METTL3: variants seen among roughly 807,000 people sequenced by gnomAD.
METTL3 encodes N(6)-adenosine-methyltransferase catalytic subunit METTL3.
In METTL3, 42 loss-of-function variants were observed where a neutral mutation model predicts 64.3. That is an observed-to-expected ratio of 0.65 (90% CI 0.51 to 0.84). The LOEUF is 0.84. Among genes scored for constraint, METTL3 ranks in the 40% least tolerant of loss-of-function variants. The pLI, the probability that METTL3 is intolerant of heterozygous loss-of-function variation, is 0.00. For synonymous variants in METTL3, 256 were observed against 263.6 expected, an observed-to-expected ratio of 0.97 and a Z score of 0.28; for missense variants, 435 against 722.3, an observed-to-expected ratio of 0.60 and a Z score of 4.56.
At chr14:21,505,840 T>G (rs1891683981) in intron 1 of METTL3, among the ~76,000 whole-genome samples, 1 of 152,176 alleles carries the variant, frequency 6.6e-6, no homozygotes, top group Non-Finnish European at 1.5e-5. Context: ...ACGAAAATAA[T>G]GTGTTCGGTT....
At chr14:21,503,617 C>G in intron 2 of METTL3, 40 bp from the exon 3 acceptor site, 2 of 1,613,444 alleles carry the variant, frequency 1.2e-6, no homozygotes, top group Non-Finnish European at 1.7e-6. Context: ...AGACACTGAC[C>G]GTGAACTGAA....
Position 21,503,362 on chromosome 14 carries a change from C to T in METTL3, c.534G>A (p.Arg178=), listed in dbSNP as rs770142065. 58 of 1,614,184 alleles carry T rather than the reference C, an allele frequency of 3.6e-5. No individual in the cohort carries two copies. The South Asian group carries it at 5.2e-4, about 14-fold the overall frequency. The change falls in exon 3 of 11, where the codon CGG becomes CGA. Residue 178 remains arginine, a synonymous_variant. Transcript: ENST00000298717. The part of the protein sequence containing the change: ...EVAGTVTGQK[R]RAEQDSTTVA... ...CTGTAGTCGAGTCCTGTTCTGCACG[C>T]CGCTTCTGCCCTGTGACAGTCCCTG...
chr14:21,499,843 T>C (rs755608120), intron 6 of METTL3, 41 bp from the exon 7 acceptor site: 35 of 1,569,402 alleles, frequency 2.2e-5, no homozygotes, highest in Non-Finnish European at 3.1e-5. Flanking sequence ...TATGCCCATA[T>C]TTTTTTTCCC....
intron 4 of METTL3, 139 bp from the exon 5 acceptor site, chr14:21,501,268 G>T: frequency 1.5e-6 from 1 of 655,020 alleles, no homozygotes. Flanking sequence ...AGTTTTAAGG[G>T]AGGCAGGTAG....
In METTL3 at chr14:21,498,249, G is replaced by C. The variant is rs1325476137; in HGVS notation, c.*9C>G. 1.4e-6 allele frequency: 2 copies of C among 1,479,828 alleles called. No homozygotes were observed. Among genetic ancestry groups the C allele is most frequent in the Non-Finnish European group, 1.9e-6 (2 of 1,057,658 alleles). The allele number at this position is 1,479,828 out of a possible 1,614,324, so 91.7% of individuals were successfully genotyped here. ...GGCTATGGATTCTTAGCTCTGTAAGGAAGTGCTTCTATAAATTCTTAGGTT... is the reference window on the plus strand; with the variant it reads ...GGCTATGGATTCTTAGCTCTGTAAGCAAGTGCTTCTATAAATTCTTAGGTT... On this transcript the variant is annotated 3_prime_UTR_variant, in exon 11 of 11. Transcript: ENST00000298717.
At chr14:21,507,918 C>T (rs1415081315) in intron 1 of METTL3, 2 of 152,092 alleles carry the variant, frequency 1.3e-5, no homozygotes, top group Non-Finnish European at 1.5e-5. Flanking sequence ...ATCAAGCTCT[C>T]GGTCAGAAGA....
intron 1 of METTL3, among the ~76,000 whole-genome samples, chr14:21,509,017 T>C (rs1186766254): frequency 1.3e-5 from 2 of 151,984 alleles, no homozygotes; most frequent in Non-Finnish European, 2.9e-5. Context: ...GTCAATGATG[T>C]AGTACACCAA....
chr14:21,502,897 A>G, intron 3 of METTL3: 1 of 357,622 alleles, frequency 2.8e-6, no homozygotes. Context: ...TTTGGGACAG[A>G]CAACTGTTTG....
At chr14:21,506,765 TA>T (rs1891707461) in intron 1 of METTL3, among the ~76,000 whole-genome samples, 1 of 152,184 alleles carries the variant, frequency 6.6e-6, no homozygotes, top group African/African-American at 2.4e-5. Context: ...CTTATGCCTG[TA>T]ATCCCAGCAC....
Position 21,499,326 on chromosome 14 carries a change from A to T in METTL3, c.1498T>A (p.Cys500Ser), listed in dbSNP as rs1331923762. Residue 500 changes from cysteine (C) to serine (S), a missense_variant, in exon 9 of 11, where the codon TGT becomes AGT. By Grantham distance (112) the Cys-to-Ser change is moderately radical. This residue lies in a region of METTL3 where 38 missense variants were observed against 102.3 expected (regional missense o/e 0.37). Transcript: ENST00000298717. The part of the protein sequence containing the change: ...NPQGFNQGLD[C>S]DVIVAEVRST... ...CATACCTCAGCTACGATCACATCAC[A>T]ATCCAGACCCTGGTTGAAGCCTTGG... 3.1e-6 allele frequency: 5 copies of T among 1,614,112 alleles called. No individual in the cohort carries two copies. The African/African-American group carries it at 6.7e-5, about 22-fold the overall frequency.
intron 1 of METTL3, 126 bp downstream of exon 1, chr14:21,510,998 G>A (rs1872210093): frequency 9.3e-6 from 10 of 1,071,178 alleles, no homozygotes; most frequent in Non-Finnish European, 1.3e-5. Flanking sequence ...TGGAGAGGGA[G>A]TACCAATGTA....
chr14:21,506,423 A>G (rs1049669198), intron 1 of METTL3, among the ~76,000 whole-genome samples: 1 of 152,118 alleles, frequency 6.6e-6, no homozygotes, highest in Admixed American at 6.6e-5. Flanking sequence ...ACGTGGTGGC[A>G]GGCACCTGTA....
intron 1 of METTL3, chr14:21,508,195 C>G (rs993634762): frequency 6.6e-6 from 1 of 151,974 alleles, no homozygotes; most frequent in East Asian, 1.9e-4. Flanking sequence ...GCCCTGAGGT[C>G]GAGACTGCAG....
chr14:21,509,456 T>C (rs1385146343), intron 1 of METTL3: 2 of 152,146 alleles, frequency 1.3e-5, no homozygotes, highest in Admixed American at 1.3e-4. Context: ...ACAGGAAAAT[T>C]AAATAGGCTG....
chr14:21,502,662 C>T (rs1395917597), intron 3 of METTL3: 1 of 155,748 alleles, frequency 6.4e-6, no homozygotes, highest in African/African-American at 2.4e-5. Flanking sequence ...TGTTCAAACT[C>T]ACGCACTAGA....
Position 21,499,150 on chromosome 14 carries a change from A to G in METTL3, c.1519-13T>C. 6.2e-7 allele frequency: 1 copy of G among 1,606,500 alleles called. No individual in the cohort carries two copies. Among genetic ancestry groups the G allele is most frequent in the Non-Finnish European group, 8.5e-7 (1 of 1,173,064 alleles). On this transcript the variant is annotated splice_polypyrimidine_tract_variant and intron_variant, in intron 9 of 10. Coordinates refer to ENST00000298717, the MANE Select transcript of METTL3 (RefSeq NM_019852.5). Reference sequence around the variant, plus strand: ...TGGTGGAACGAACCTAGGAAATAAAAACTAGCTGCTTTTTAAGTTACACAA... The same window carrying G: ...TGGTGGAACGAACCTAGGAAATAAAGACTAGCTGCTTTTTAAGTTACACAA...
At chr14:21,502,225 T>C (rs35463722) in intron 3 of METTL3, among the ~76,000 whole-genome samples, 22,368 of 152,104 alleles carry the variant, frequency 0.15, 1,672 homozygotes, top group Admixed American at 0.23. Flanking sequence ...ATAGGGTCTA[T>C]GTTGCCCAGG....
Position 21,503,337 on chromosome 14 carries a change from C to G in METTL3, c.559G>C (p.Val187Leu), listed in dbSNP as rs1169755185. Reference protein sequence around the residue: ...KRRAEQDSTTVAAFASSLVSG... With the variant: ...KRRAEQDSTTLAAFASSLVSG... ...ACTAACGAACTGGCAAAGGCAGCTACTGTAGTCGAGTCCTGTTCTGCACGC... is the reference window on the plus strand; with the variant it reads ...ACTAACGAACTGGCAAAGGCAGCTAGTGTAGTCGAGTCCTGTTCTGCACGC... The change falls in exon 3 of 11, where the codon GTA becomes CTA. Residue 187 changes from valine to leucine, a missense_variant. This residue lies in a region of METTL3 where 228 missense variants were observed against 279.6 expected (regional missense o/e 0.82). Transcript: ENST00000298717. 2 of 1,614,184 alleles carry G rather than the reference C, an allele frequency of 1.2e-6. No individual in the cohort carries two copies. Among genetic ancestry groups the G allele is most frequent in the South Asian group, 2.2e-5 (2 of 91,086 alleles).
rs201423733 is a variant in METTL3, at chr14:21,503,583, G to A, written c.319-6C>T. ...TGAGTGGCAGGAGCATCTGGCTAGA[G>A]AACGAGGGGAGGTATGGGCAATAAG... On this transcript the variant is annotated splice_polypyrimidine_tract_variant and splice_region_variant and intron_variant, in intron 2 of 10. Transcript: ENST00000298717. The A allele has an allele frequency of 5.8e-4, 931 of 1,612,976 alleles. No homozygotes were observed. Among genetic ancestry groups the A allele is most frequent in the Non-Finnish European group, 7.6e-4 (898 of 1,179,542 alleles).
Sources: gnomAD v4.1 joint callset for allele counts (sites outside exome capture counted in the v4.1 genomes callset) on GRCh38, gnomAD v4.1.1 for gene constraint, gnomAD v4.1.1 regional missense constraint, MANE v1.5 for transcripts, NCBI Gene and HGNC (gene_info 2026-07-23, HGNC 2026-07-21) for gene names.